The following HSPG2 variants were observed in gnomAD, a reference collection of about 807,000 sequenced individuals.
HSPG2 encodes the protein basement membrane-specific heparan sulfate proteoglycan core protein.
A neutral mutation model predicts 526.6 loss-of-function variants in HSPG2; 278 were observed. That is an observed-to-expected ratio of 0.53 (90% CI 0.48 to 0.58). The LOEUF (loss-of-function observed/expected upper bound fraction) is 0.58, where lower values mean the gene tolerates loss of function less well. HSPG2 is among the 20% of genes least tolerant of loss of function. HSPG2 has a pLI of 0.00. For missense variants in HSPG2, 5,354 were observed against 6,099.5 expected (o/e 0.88, Z 4.07); for synonymous variants, 2,465 against 2,555.4 (o/e 0.96, Z 1.07).
chr1:21,838,792 G>A (rs2098037064), intron 74 of HSPG2, 33 bp downstream of exon 74: 2 of 1,605,732 alleles, frequency 1.2e-6, no homozygotes, highest in East Asian at 4.5e-5. Context: ...GAGGAAAGGT[G>A]ATCCCCTTCC....
chr1:21,849,623 A>G (rs1213636239), intron 57 of HSPG2, among the ~76,000 whole-genome samples: 1 of 152,244 alleles, frequency 6.6e-6, no homozygotes, highest in Admixed American at 6.5e-5. Context: ...GCCTAAAGTC[A>G]CACAGCATGC....
chr1:21,828,492 G>A lies in HSPG2; in HGVS notation c.12238-66C>T, dbSNP rs2097986842. 3 of 1,544,260 alleles carry A rather than the reference G, an allele frequency of 1.9e-6. No homozygotes were observed. The Admixed American group carries it at 5.0e-5, about 26-fold the overall frequency. On this transcript the variant is annotated intron_variant, in intron 88 of 96. Coordinates refer to ENST00000374695, the MANE Select transcript of HSPG2 (RefSeq NM_005529.7). This position sits in a 1 kb window ranked among gnomAD's most constrained non-coding sequence, Gnocchi z 6.0. ...AGGCAGAGACCCAGGTGTACCAGCA[G>A]GGAGAAGAATGCAGCAGAGGGGAGC...
chr1:21,823,469 G>A lies in HSPG2; in HGVS notation c.13023C>T (p.Ala4341=). The A allele has an allele frequency of 3.1e-6, 5 of 1,598,924 alleles. No individual in the cohort carries two copies. The highest frequency in any genetic ancestry group is 1.3e-5 in the African/African-American group (1 of 74,946). The stretch of plus-strand genomic sequence containing the variant: ...AGGAGAATCTGCCCCCGGTCAGCGT[G>A]GCCACGTCAGGGGCTCCGCCTGCCG... ...SVYIGGAPDV[A]TLTGGRFSSG... Residue 4341 remains alanine (A), a synonymous_variant, in exon 97 of 97, where the codon GCC becomes GCT. Coordinates refer to ENST00000374695, the MANE Select transcript of HSPG2 (RefSeq NM_005529.7).
chr1:21,858,602 G>A lies in HSPG2; in HGVS notation c.5293+964C>T, dbSNP rs552422107. 2.0e-4 allele frequency among the ~76,000 whole-genome samples: 31 copies of A among 152,300 alleles called. No individual in the cohort carries two copies. Among genetic ancestry groups the A allele is most frequent in the African/African-American group, 6.7e-4 (28 of 41,576 alleles). Reference sequence around the variant, plus strand: ...TCCCAAACATCTCAGACTCTAACACGTCCAAAACAAACTTGCGATTCTCTC... The same window carrying A: ...TCCCAAACATCTCAGACTCTAACACATCCAAAACAAACTTGCGATTCTCTC... On this transcript the variant is annotated intron_variant, in intron 42 of 96. Transcript: ENST00000374695. The surrounding 1 kb of genome is among the most constrained non-coding windows in gnomAD (Gnocchi z 4.2).
rs773621809 is a variant in HSPG2, at chr1:21,829,059, C to T, written c.12013G>A (p.Ala4005Thr). Residue 4005 changes from alanine to threonine, a missense_variant, in exon 88 of 97, where the codon GCC (alanine) becomes ACC (threonine). Coordinates refer to ENST00000374695, the MANE Select transcript of HSPG2 (RefSeq NM_005529.7). ...LGSGLAVLRS[A>T]EPLALGRWHR... ...CAGCGGCCCAGGGCCAGCGGCTCGG[C>T]GCTCCGCAGAACGGCCAGCCCTGGG... The T allele has an allele frequency of 1.2e-5, 18 of 1,543,224 alleles. No homozygotes were observed. The highest frequency in any genetic ancestry group is 1.9e-4 in the Middle Eastern group (1 of 5,250).
At chr1:21,850,287 C>T in intron 56 of HSPG2, 76 bp downstream of exon 56, 2 of 1,608,378 alleles carry the variant, frequency 1.2e-6, no homozygotes, top group South Asian at 1.1e-5. Flanking sequence ...GGCTTGGCCT[C>T]CTGATCCTGC....
chr1:21,908,064 G>T, intron 1 of HSPG2: 1 of 749,240 alleles, frequency 1.3e-6, no homozygotes, highest in Non-Finnish European at 2.4e-6. Flanking sequence ...GCTGCCTTTC[G>T]GCCGGAACCG....
At chr1:21,885,501 C>T (rs1445109474) in intron 9 of HSPG2, 50 bp from the exon 10 acceptor site, 6 of 1,609,062 alleles carry the variant, frequency 3.7e-6, no homozygotes, top group Non-Finnish European at 5.1e-6. Context: ...TCCATCCTCC[C>T]TGGGCATCCC....
intron 74 of HSPG2, among the ~76,000 whole-genome samples, chr1:21,838,135 C>CAAAAAAAAAAAAAAA: frequency 1.3e-5 from 1 of 75,276 alleles, no homozygotes; most frequent in Non-Finnish European, 2.4e-5. Context: ...GATTCTGTCT[C>CAAAAAAAAAAAAAAA]AAAAAAAAAA....
chr1:21,852,878 T>C, intron 51 of HSPG2, 41 bp downstream of exon 51: 1 of 1,611,588 alleles, frequency 6.2e-7, no homozygotes, highest in Non-Finnish European at 8.5e-7. Context: ...AACAGTCCCA[T>C]CCAGCCCCTC....
chr1:21,873,563 A>T, intron 29 of HSPG2, 139 bp from the exon 30 acceptor site: 1 of 920,250 alleles, frequency 1.1e-6, no homozygotes, highest in Non-Finnish European at 1.8e-6. Flanking sequence ...TGTTACGGGG[A>T]AACTGGGCAG....
chr1:21,910,634 T>C (rs184886877), intron 1 of HSPG2, among the ~76,000 whole-genome samples: 169 of 152,274 alleles, frequency 1.1e-3, no homozygotes, highest in Non-Finnish European at 2.0e-3. Flanking sequence ...CGCTGCCCTT[T>C]TTCTAGCACC....
chr1:21,824,498 C>G lies in HSPG2; in HGVS notation c.12744+39G>C. 2 of 1,609,628 alleles carry G rather than the reference C, an allele frequency of 1.2e-6. No individual in the cohort carries two copies. The highest frequency in any genetic ancestry group is 1.3e-5 in the African/African-American group (1 of 74,962). On this transcript the variant is annotated intron_variant, in intron 93 of 96. Coordinates refer to ENST00000374695, the MANE Select transcript of HSPG2 (RefSeq NM_005529.7). This position sits in a 1 kb window ranked among gnomAD's most constrained non-coding sequence, Gnocchi z 5.9. ...GCCACCAGGAAGCCAGCTTCCTGCCCCAGGAGCCCCAAGAGCCCAGCCGGA... is the reference window on the plus strand; with the variant it reads ...GCCACCAGGAAGCCAGCTTCCTGCCGCAGGAGCCCCAAGAGCCCAGCCGGA...
chr1:21,932,109 G>A (rs1471165295), intron 1 of HSPG2, among the ~76,000 whole-genome samples: 1 of 151,122 alleles, frequency 6.6e-6, no homozygotes, highest in Non-Finnish European at 1.5e-5. Context: ...GTCCCTAGGA[G>A]ACCCCACGGA....
intron 37 of HSPG2, among the ~76,000 whole-genome samples, chr1:21,863,060 C>CAAAAAAA (rs60890297): frequency 1.1e-3 from 35 of 31,230 alleles, no homozygotes; most frequent in African/African-American, 5.2e-3. Context: ...GACTCCATCT[C>CAAAAAAA]AAAAAAAAAA....
At chr1:21,856,863 C>T in intron 44 of HSPG2, 152 bp downstream of exon 44, 2 of 815,868 alleles carry the variant, frequency 2.5e-6, no homozygotes, top group South Asian at 2.9e-5. Flanking sequence ...ACTGTACATG[C>T]TTCTCTCCCC....
chr1:21,885,990 C>T (rs941980554), intron 9 of HSPG2, among the ~76,000 whole-genome samples: 1 of 152,208 alleles, frequency 6.6e-6, no homozygotes, highest in Non-Finnish European at 1.5e-5. Flanking sequence ...GGCTGGTGAC[C>T]AATGTTCTTC....
chr1:21,903,537 T>G (rs967529416), intron 1 of HSPG2, among the ~76,000 whole-genome samples: 1 of 152,016 alleles, frequency 6.6e-6, no homozygotes, highest in Non-Finnish European at 1.5e-5. Flanking sequence ...GAGGCAGAGG[T>G]TGCAGTGAGC....
At chr1:21,911,815 G>A (rs1363706820) in intron 1 of HSPG2, among the ~76,000 whole-genome samples, 2 of 152,246 alleles carry the variant, frequency 1.3e-5, no homozygotes, top group South Asian at 2.1e-4. Context: ...CTCAGCTGCC[G>A]GCCAGCCCAG....
Sources: gnomAD v4.1 joint callset for allele counts (sites outside exome capture counted in the v4.1 genomes callset) on GRCh38, gnomAD v4.1.1 for gene constraint, Gnocchi (gnomAD v3.1) non-coding constraint, MANE v1.5 for transcripts, NCBI Gene and HGNC (gene_info 2026-07-23, HGNC 2026-07-21) for gene names.